The following MALRD1 variants were observed in gnomAD, a reference collection of about 807,000 sequenced individuals.
MALRD1 encodes the protein MAM and LDL receptor class A domain containing 1.
A neutral mutation model predicts 242.1 loss-of-function variants in MALRD1; 247 were observed. The observed-to-expected ratio is 1.02, with a 90% CI of 0.92 to 1.13. The LOEUF (loss-of-function observed/expected upper bound fraction) is 1.13. Among genes scored for constraint, MALRD1 ranks in the 50% most tolerant of loss-of-function variants. The pLI, the probability that MALRD1 is intolerant of heterozygous loss-of-function variation, is 0.00. For synonymous variants in MALRD1, 995 were observed against 866.6 expected (o/e 1.15, Z -2.60); for missense variants, 2,989 against 2,533.1 (o/e 1.18, Z -3.86).
intron 31 of MALRD1, among the ~76,000 whole-genome samples, chr10:19,513,260 G>A (rs1833482209): frequency 6.6e-6 from 1 of 151,992 alleles, no homozygotes; most frequent in African/African-American, 2.4e-5. Flanking sequence ...TAAAATGTGT[G>A]TAGACCTCCC....
At chr10:19,191,144 T>G (rs1254944454) in intron 14 of MALRD1, among the ~76,000 whole-genome samples, 1 of 152,158 alleles carries the variant, frequency 6.6e-6, no homozygotes, top group African/African-American at 2.4e-5. Context: ...AGACAAAATA[T>G]TTTAATGGAC....
intron 11 of MALRD1, among the ~76,000 whole-genome samples, 193 bp downstream of exon 11, chr10:19,146,537 C>G (rs185915893): frequency 6.6e-6 from 1 of 152,218 alleles, no homozygotes; most frequent in East Asian, 1.9e-4. Context: ...GTTTTAATCA[C>G]CAACATGTTT....
intron 23 of MALRD1, 68 bp from the exon 24 acceptor site, chr10:19,331,301 A>G (rs755834917): frequency 6.6e-6 from 8 of 1,218,430 alleles, no homozygotes; most frequent in Middle Eastern, 1.9e-4. Context: ...TGTGCTTGAT[A>G]CTTAGTGTTT....
chr10:19,390,571 GA>G (rs1846298019), intron 28 of MALRD1, among the ~76,000 whole-genome samples: 1 of 152,114 alleles, frequency 6.6e-6, no homozygotes, highest in Non-Finnish European at 1.5e-5. Context: ...GCCGAAAGGA[GA>G]TGTATATGTG....
chr10:19,166,250 G>A (rs1351760032), intron 13 of MALRD1, among the ~76,000 whole-genome samples: 1 of 152,178 alleles, frequency 6.6e-6, no homozygotes, highest in South Asian at 2.1e-4. Context: ...CTCACTTTCT[G>A]CTGCCTGGTA....
intron 32 of MALRD1, among the ~76,000 whole-genome samples, chr10:19,558,027 G>T (rs1446824734): frequency 1.3e-5 from 2 of 151,600 alleles, no homozygotes; most frequent in Non-Finnish European, 2.9e-5. Flanking sequence ...AAATTTTATT[G>T]TTTTAAATTT....
At chr10:19,491,013 A>C (rs1004773181) in intron 29 of MALRD1, 1 of 199,276 alleles carries the variant, frequency 5.0e-6, no homozygotes, top group Non-Finnish European at 1.1e-5. Context: ...ATTCAGCAGA[A>C]ATAGACAGTT....
At chr10:19,565,270 T>A (rs1836202200) in intron 32 of MALRD1, among the ~76,000 whole-genome samples, 1 of 152,054 alleles carries the variant, frequency 6.6e-6, no homozygotes, top group Non-Finnish European at 1.5e-5. Flanking sequence ...AAAATGAATT[T>A]GACAAGAGCA....
intron 10 of MALRD1, among the ~76,000 whole-genome samples, chr10:19,140,071 T>C (rs1255174974): frequency 6.6e-6 from 1 of 152,240 alleles, no homozygotes; most frequent in Non-Finnish European, 1.5e-5. Context: ...ATTTGTAATG[T>C]ATATTAACAC....
At chr10:19,174,642 A>G (rs1835147821) in intron 13 of MALRD1, among the ~76,000 whole-genome samples, 1 of 151,964 alleles carries the variant, frequency 6.6e-6, no homozygotes, top group Non-Finnish European at 1.5e-5. Context: ...ATTCAGCGTT[A>G]GAATAAACTA....
intron 14 of MALRD1, among the ~76,000 whole-genome samples, chr10:19,190,104 G>A (rs978214753): frequency 6.6e-6 from 1 of 151,930 alleles, no homozygotes; most frequent in South Asian, 2.1e-4. Context: ...ACTAAAACAT[G>A]AATTCAACAA....
At position 19,352,060 on chromosome 10, in the gene MALRD1, C is replaced by T. The variant is rs1344465068; in HGVS notation, c.4204C>T (p.Gln1402Ter). Residue 1402 changes from glutamine (Q) to a stop codon, truncating the protein, a stop_gained, in exon 26 of 40, where the codon CAG becomes TAG. Coordinates refer to ENST00000454679, the MANE Select transcript of MALRD1 (RefSeq NM_001142308.3). LOFTEE classifies it high-confidence loss of function. ...GNGIGALTLM[Q>*]VSVTNQTKVL... ...TGGCATTGGGGCACTCACCTTAATG[C>T]AGGTGTCAGTCACAAACCAAACGAA... The T allele has an allele frequency of 6.5e-7, 1 of 1,550,284 alleles. No homozygotes were observed.
At chr10:19,438,224 C>T (rs1182983819) in intron 28 of MALRD1, among the ~76,000 whole-genome samples, 1 of 151,862 alleles carries the variant, frequency 6.6e-6, no homozygotes, top group African/African-American at 2.4e-5. Flanking sequence ...GAGTATTTGT[C>T]TTTTCGTCAC....
intron 38 of MALRD1, among the ~76,000 whole-genome samples, chr10:19,706,589 T>C (rs1833877050): frequency 6.6e-6 from 1 of 152,104 alleles, no homozygotes; most frequent in Non-Finnish European, 1.5e-5. Flanking sequence ...TGACCTCAGG[T>C]GATCTGCCCA....
chr10:19,165,222 T>A (rs2131503217), intron 12 of MALRD1, among the ~76,000 whole-genome samples: 1 of 137,820 alleles, frequency 7.3e-6, no homozygotes, highest in African/African-American at 2.8e-5. Context: ...AAGATTATAT[T>A]TAACACAGAA....
chr10:19,184,431 A>G (rs1435629688), intron 14 of MALRD1, among the ~76,000 whole-genome samples: 2 of 152,160 alleles, frequency 1.3e-5, no homozygotes, highest in African/African-American at 4.8e-5. Flanking sequence ...CTACCTCATC[A>G]TTTTTGAAAG....
intron 31 of MALRD1, among the ~76,000 whole-genome samples, chr10:19,523,619 A>G (rs1833971085): frequency 6.6e-6 from 1 of 152,206 alleles, no homozygotes; most frequent in Admixed American, 6.5e-5. Flanking sequence ...GGTTCTTTGA[A>G]TATGAGGATG....
chr10:19,190,395 C>T (rs556803194), intron 14 of MALRD1, among the ~76,000 whole-genome samples: 23 of 152,100 alleles, frequency 1.5e-4, no homozygotes, highest in East Asian at 9.6e-4. Flanking sequence ...TCTACAGATT[C>T]GATATAATCC....
At chr10:19,453,832 G>A (rs893580670) in intron 29 of MALRD1, among the ~76,000 whole-genome samples, 3 of 151,600 alleles carry the variant, frequency 2.0e-5, no homozygotes, top group African/African-American at 4.8e-5. Context: ...AGCCGAGATC[G>A]CACCACTGCG....
Sources: allele counts gnomAD v4.1 joint callset (sites outside exome capture counted in the v4.1 genomes callset), GRCh38; gene constraint gnomAD v4.1.1; transcripts MANE v1.5; gene names NCBI Gene and HGNC (gene_info 2026-07-23, HGNC 2026-07-21).